Variants in TM4SF5 observed in about 807,000 individuals in gnomAD.
TM4SF5 encodes the protein transmembrane 4 L six family member 5, also known as transmembrane 4 L6 family member 5.
TM4SF5 carries 16 observed loss-of-function variants against 22.3 expected under a neutral mutation model. That is an observed-to-expected ratio of 0.72 (90% confidence interval 0.49 to 1.09). The LOEUF is 1.09. TM4SF5 is among the 50% of genes least tolerant of loss of function. The pLI is 0.00. For synonymous variants in TM4SF5, 113 were observed against 109.6 expected (o/e 1.03, Z -0.19); for missense variants, 249 against 266.1 (o/e 0.94, Z 0.45).
At chr17:4,774,799 C>T (rs182914675) in intron 1 of TM4SF5, among the ~76,000 whole-genome samples, 1 of 152,040 alleles carries the variant, frequency 6.6e-6, no homozygotes, top group Non-Finnish European at 1.5e-5. Flanking sequence ...CCCAGCTACT[C>T]AGGAAGCTGA....
At chr17:4,779,049 C>T (rs1917253431) in intron 1 of TM4SF5, among the ~76,000 whole-genome samples, 1 of 145,028 alleles carries the variant, frequency 6.9e-6, no homozygotes, top group South Asian at 2.2e-4. Context: ...GAGTGAGACT[C>T]CGTCTCAAAA....
chr17:4,780,765 A>T, intron 1 of TM4SF5, 24 bp from the exon 2 acceptor site: 1 of 1,597,558 alleles, frequency 6.3e-7, no homozygotes, highest in Admixed American at 1.7e-5. Context: ...GGGACGTGCT[A>T]TAACAATGAC....
Position 4,780,870 on chromosome 17 carries a change from G to A in TM4SF5, c.258+1G>A. ...TGGGTGCTGTGGAAACCGCTGCAGG[G>A]TAAGATCCAGATTAAGAAGGAATTC... On this transcript the variant is annotated splice_donor_variant, in intron 2 of 4. Coordinates refer to ENST00000270560, the MANE Select transcript of TM4SF5 (RefSeq NM_003963.3). LOFTEE classifies it high-confidence loss of function. 1 of 1,612,036 alleles carries A rather than the reference G, an allele frequency of 6.2e-7. No homozygotes were observed. Among genetic ancestry groups the A allele is most frequent in the Non-Finnish European group, 8.5e-7 (1 of 1,179,034 alleles).
chr17:4,772,589 C>A (rs111433893), intron 1 of TM4SF5, among the ~76,000 whole-genome samples: 1 of 152,126 alleles, frequency 6.6e-6, no homozygotes, highest in African/African-American at 2.4e-5. Context: ...CCAATCTGTG[C>A]GGACTGCTAA....
intron 1 of TM4SF5, among the ~76,000 whole-genome samples, chr17:4,777,166 C>CAG (rs940195217): frequency 6.7e-6 from 1 of 148,622 alleles, no homozygotes; most frequent in African/African-American, 2.5e-5. Context: ...CACTGCAATC[C>CAG]AGCCTGGGTG....
rs374540332 is a variant in TM4SF5 at position 4,779,797 on chromosome 17, G to A, written c.178-992G>A. 8.5e-5 allele frequency among the ~76,000 whole-genome samples: 13 copies of A among 152,284 alleles called. No individual in the cohort carries two copies. The East Asian group carries it at 1.9e-3, about 23-fold the overall frequency. On this transcript the variant is annotated intron_variant, in intron 1 of 4. Coordinates refer to ENST00000270560, the MANE Select transcript of TM4SF5 (RefSeq NM_003963.3). Reference sequence around the variant, plus strand: ...AGATATTCAAGTGAACATAGGATCTGGAGGCATCAGTTTTGGAGGCAACTT... The same window carrying A: ...AGATATTCAAGTGAACATAGGATCTAGAGGCATCAGTTTTGGAGGCAACTT...
chr17:4,777,264 G>T (rs1917225347), intron 1 of TM4SF5, among the ~76,000 whole-genome samples: 1 of 151,934 alleles, frequency 6.6e-6, no homozygotes, highest in Non-Finnish European at 1.5e-5. Flanking sequence ...AGAGATGAGA[G>T]TGGCTTGGAC....
Position 4,783,106 on chromosome 17 carries a change from T to C in TM4SF5, c.580-8T>C. The C allele has an allele frequency of 6.2e-7, 1 of 1,614,170 alleles. No individual in the cohort carries two copies. The highest frequency in any genetic ancestry group is 8.5e-7 in the Non-Finnish European group (1 of 1,180,018). On this transcript the variant is annotated splice_region_variant and splice_polypyrimidine_tract_variant and intron_variant, in intron 4 of 4. Coordinates refer to ENST00000270560, the MANE Select transcript of TM4SF5 (RefSeq NM_003963.3). ...CCTGGCTGCGTTCTCACCTTCTCTT[T>C]TCCGCAGGACACACCTCACTGAGGC...
chr17:4,780,668 C>A, intron 1 of TM4SF5, 121 bp from the exon 2 acceptor site: 1 of 664,852 alleles, frequency 1.5e-6, no homozygotes, highest in Non-Finnish European at 2.5e-6. Flanking sequence ...GAGATAAGGT[C>A]TTCTACAGTC....
intron 1 of TM4SF5, among the ~76,000 whole-genome samples, 183 bp from the exon 2 acceptor site, chr17:4,780,606 G>T (rs1917284330): frequency 6.6e-6 from 1 of 152,134 alleles, no homozygotes; most frequent in African/African-American, 2.4e-5. Context: ...GATAAGGTAG[G>T]CACGTAAATA....
At chr17:4,773,094 A>G (rs1466933917) in intron 1 of TM4SF5, among the ~76,000 whole-genome samples, 1 of 151,956 alleles carries the variant, frequency 6.6e-6, no homozygotes, top group Non-Finnish European at 1.5e-5. Context: ...CAGTAGAGAC[A>G]GGGTTTCGCC....
rs552331807 is a variant in TM4SF5 at position 4,773,794 on chromosome 17, C to T, written c.177+1695C>T. Among the ~76,000 whole-genome samples the T allele has an allele frequency of 3.3e-5, 5 of 152,286 alleles. No individual in the cohort carries two copies. In the South Asian group the frequency reaches 6.2e-4, roughly 19 times the overall value. On this transcript the variant is annotated intron_variant, in intron 1 of 4. Coordinates refer to ENST00000270560, the MANE Select transcript of TM4SF5 (RefSeq NM_003963.3). ...GGTGCTCCCTCTGCAACCTGAACCA[C>T]CCCTGTCTCCCCACACTCCTCTGCC...
chr17:4,775,799 C>G (rs1157233794), intron 1 of TM4SF5, among the ~76,000 whole-genome samples: 3 of 152,096 alleles, frequency 2.0e-5, no homozygotes, highest in African/African-American at 4.8e-5. Context: ...TCTTCTAACC[C>G]CATAGACGAG....
chr17:4,775,147 T>A (rs769094690), intron 1 of TM4SF5, among the ~76,000 whole-genome samples: 6 of 151,918 alleles, frequency 3.9e-5, no homozygotes, highest in African/African-American at 9.7e-5. Flanking sequence ...TGAGGTGAGA[T>A]GTAATGAGAT....
intron 1 of TM4SF5, among the ~76,000 whole-genome samples, chr17:4,774,791 C>T (rs908054305): frequency 1.3e-5 from 2 of 152,044 alleles, no homozygotes; most frequent in Admixed American, 1.3e-4. Context: ...CCTGTAGTCC[C>T]AGCTACTCAG....
In TM4SF5 at chr17:4,780,861, C is replaced by G; in HGVS notation, c.250C>G (p.Arg84Gly). Residue 84 changes from arginine (R) to glycine (G), a missense_variant, in exon 2 of 5, where the codon CGC (arginine) becomes GGC (glycine). Coordinates refer to ENST00000270560, the MANE Select transcript of TM4SF5 (RefSeq NM_003963.3). ...CTGTGGTGCTGGGTGCTGTGGAAAC[C>G]GCTGCAGGGTAAGATCCAGATTAAG... is the stretch of plus-strand genomic sequence containing the variant. ...GCCGAGCCGN[R>G]CRMLRSVFSS... The G allele has an allele frequency of 1.9e-6, 3 of 1,611,826 alleles. No homozygotes were observed. The highest frequency in any genetic ancestry group is 2.5e-6 in the Non-Finnish European group (3 of 1,178,948).
intron 1 of TM4SF5, among the ~76,000 whole-genome samples, chr17:4,775,407 C>T (rs1480678907): frequency 6.6e-6 from 1 of 151,188 alleles, no homozygotes; most frequent in Non-Finnish European, 1.5e-5. Flanking sequence ...TACAGGCGCC[C>T]GCCACCACGC....
intron 2 of TM4SF5, among the ~76,000 whole-genome samples, chr17:4,781,418 G>C (rs552561648): frequency 2.7e-4 from 41 of 151,546 alleles, no homozygotes; most frequent in African/African-American, 9.5e-4. Context: ...TGAGGCAGGA[G>C]ATTACGGTGA....
At chr17:4,782,099 T>A (rs1225288427) in intron 2 of TM4SF5, among the ~76,000 whole-genome samples, 1 of 151,624 alleles carries the variant, frequency 6.6e-6, no homozygotes, top group Admixed American at 6.6e-5. Flanking sequence ...TAATTTTTTT[T>A]TTTTTTTTTC....
Sources: gnomAD v4.1 joint callset for allele counts (sites outside exome capture counted in the v4.1 genomes callset) on GRCh38, gnomAD v4.1.1 for gene constraint, MANE v1.5 for transcripts, NCBI Gene and HGNC (gene_info 2026-07-23, HGNC 2026-07-21) for gene names.